The following VPS13D variants were observed in gnomAD, a reference collection of about 807,000 sequenced individuals.
VPS13D encodes the protein intermembrane lipid transfer protein VPS13D.
In VPS13D, 187 loss-of-function variants were observed where a neutral mutation model predicts 461.9. That is an observed-to-expected ratio of 0.40 (90% CI 0.36 to 0.46). VPS13D has a LOEUF of 0.46. Ranked by LOEUF, VPS13D falls within the 20% of genes least tolerant of loss-of-function variation. VPS13D has a pLI of 0.60. For synonymous variants in VPS13D, 1,951 were observed against 1,986.3 expected, an observed-to-expected ratio of 0.98 and a Z score of 0.47; for missense variants, 4,711 against 5,364.9, an observed-to-expected ratio of 0.88 and a Z score of 3.81.
intron 6 of VPS13D, among the ~76,000 whole-genome samples, chr1:12,253,372 G>A (rs1260081743): frequency 6.6e-6 from 1 of 152,100 alleles, no homozygotes; most frequent in South Asian, 2.1e-4. Context: ...TACTGAGGGA[G>A]GACTGTATGG....
intron 55 of VPS13D, among the ~76,000 whole-genome samples, chr1:12,377,959 G>A (rs1481659327): frequency 2.0e-5 from 3 of 152,022 alleles, no homozygotes; most frequent in Non-Finnish European, 2.9e-5. Context: ...TAAACATTCG[G>A]GACGGGGAGG....
At chr1:12,370,922 G>A (rs1644106693) in intron 54 of VPS13D, among the ~76,000 whole-genome samples, 2 of 152,206 alleles carry the variant, frequency 1.3e-5, no homozygotes, top group Non-Finnish European at 2.9e-5. Context: ...TTGGTGTGCA[G>A]AATCTAACAG....
At chr1:12,338,070 C>A in intron 39 of VPS13D, 161 bp from the exon 40 acceptor site, 2 of 558,152 alleles carry the variant, frequency 3.6e-6, no homozygotes, top group South Asian at 2.5e-5. Flanking sequence ...TTGTCAAGTA[C>A]ATTCGTAGTG....
chr1:12,279,574 C>T lies in VPS13D; in HGVS notation c.4526C>T (p.Thr1509Ile), dbSNP rs772266481. 3.7e-6 allele frequency: 6 copies of T among 1,613,436 alleles called. No individual in the cohort carries two copies. Among genetic ancestry groups the T allele is most frequent in the Non-Finnish European group, 5.1e-6 (6 of 1,179,544 alleles). The change falls in exon 20 of 70, where the codon ACT becomes ATT. Residue 1509 changes from threonine to isoleucine, a missense_variant. Transcript: ENST00000620676. This position sits in a 1 kb window ranked among gnomAD's most constrained non-coding sequence, Gnocchi z 4.3. ...CCTATAGAGAGAGAATCTGAATTGA[C>T]TTTTTCTCTTAGCCCAGATGACCTG... ...KIPIERESELTFSLSPDDLGT... is the reference protein window; with the variant it reads ...KIPIERESELIFSLSPDDLGT...
Position 12,318,119 on chromosome 1 carries a change from G to A in VPS13D, c.7196G>A (p.Arg2399His), listed in dbSNP as rs201376188. The A allele has an allele frequency of 4.3e-6, 7 of 1,613,722 alleles. No individual in the cohort carries two copies. Among genetic ancestry groups the A allele is most frequent in the African/African-American group, 2.7e-5 (2 of 74,858 alleles). The change falls in exon 31 of 70, where the codon CGT becomes CAT. Residue 2399 changes from arginine (R) to histidine (H), a missense_variant. Arg to His is a conservative substitution (Grantham distance 29). Coordinates refer to ENST00000620676, the MANE Select transcript of VPS13D (RefSeq NM_015378.4). Reference sequence around the variant, plus strand: ...TTTACAGTAGTTCTCAACAATCTCCGTGTGTTTCTCATATTTGACTGGCTA... The same window carrying A: ...TTTACAGTAGTTCTCAACAATCTCCATGTGTTTCTCATATTTGACTGGCTA... ...SCFTVVLNNL[R>H]VFLIFDWLLL... is the part of the protein sequence containing the mutation.
chr1:12,496,550 TA>T (rs1645959797), intron 67 of VPS13D, among the ~76,000 whole-genome samples: 1 of 152,242 alleles, frequency 6.6e-6, no homozygotes, highest in Admixed American at 6.5e-5. Flanking sequence ...TAGATCTGTC[TA>T]GAGAGGAGTG....
intron 17 of VPS13D, 41 bp from the exon 18 acceptor site, chr1:12,272,962 G>T: frequency 6.2e-7 from 1 of 1,602,644 alleles, no homozygotes; most frequent in South Asian, 1.1e-5. Context: ...AAAGCTGTTG[G>T]GTTTCGGCAG....
At chr1:12,308,240 C>A (rs1642624649) in intron 26 of VPS13D, among the ~76,000 whole-genome samples, 191 bp from the exon 27 acceptor site, 1 of 152,074 alleles carries the variant, frequency 6.6e-6, no homozygotes, top group Non-Finnish European at 1.5e-5. Flanking sequence ...TGGAGCTTTG[C>A]ATAAGGAGGT....
At chr1:12,362,642 A>G in intron 50 of VPS13D, 78 bp from the exon 51 acceptor site, 1 of 1,374,762 alleles carries the variant, frequency 7.3e-7, no homozygotes, top group South Asian at 1.3e-5. Flanking sequence ...AGTAACTGTG[A>G]AGGTTATTTA....
chr1:12,385,301 A>G lies in VPS13D; in HGVS notation c.11412A>G (p.Glu3804=), dbSNP rs745486366. The change falls in exon 59 of 70, where the codon GAA becomes GAG. Residue 3804 remains glutamate, a synonymous_variant. Transcript: ENST00000620676. ...ACCGGAAAAGCAGCCGTTCATATGA[A>G]GTGGATGAACTTCCTGTCACCGAAC... is the stretch of plus-strand genomic sequence containing the variant. ...FCHRKSSRSY[E]VDELPVTEQE... is the part of the protein sequence containing the mutation. 6 of 1,614,060 alleles carry G rather than the reference A, an allele frequency of 3.7e-6. No individual in the cohort carries two copies. In the South Asian group the frequency reaches 6.6e-5, roughly 18 times the overall value.
chr1:12,355,753 A>T, intron 47 of VPS13D, 146 bp from the exon 48 acceptor site: 1 of 781,074 alleles, frequency 1.3e-6, no homozygotes, highest in Non-Finnish European at 1.9e-6. Flanking sequence ...TACCCTAGCT[A>T]GAGAGAAAGA....
chr1:12,497,658 C>T (rs551955789), intron 68 of VPS13D, 27 bp downstream of exon 68: 10 of 1,602,294 alleles, frequency 6.2e-6, no homozygotes, highest in Middle Eastern at 3.3e-4. Context: ...GAAACCAGCC[C>T]TGTGGGTCTA....
intron 65 of VPS13D, among the ~76,000 whole-genome samples, chr1:12,423,030 C>T (rs1408282535): frequency 6.6e-6 from 1 of 152,094 alleles, no homozygotes; most frequent in Non-Finnish European, 1.5e-5. Context: ...AAAGCAGGCC[C>T]TCAGGAAGTG....
At position 12,273,016 on chromosome 1, in the gene VPS13D, G is replaced by A. The variant is rs753724852; in HGVS notation, c.2117G>A (p.Arg706Gln). Reference sequence around the variant, plus strand: ...TTATTTGTACAGGAGGAGAGTAAACGATGGACCGTGCGGCTGGATATTTCT... The same window carrying A: ...TTATTTGTACAGGAGGAGAGTAAACAATGGACCGTGCGGCTGGATATTTCT... Reference protein sequence around the residue: ...LVGDFIEESKRWTVRLDISAP... With the variant: ...LVGDFIEESKQWTVRLDISAP... The change falls in exon 18 of 70, where the codon CGA becomes CAA. Residue 706 changes from arginine (R) to glutamine (Q), a missense_variant. Around this residue, in one of 3 missense-constraint regions of VPS13D, gnomAD observed 4,411 missense variants for 4,937.8 expected, o/e 0.89. Transcript: ENST00000620676. 9 of 1,613,904 alleles carry A rather than the reference G, an allele frequency of 5.6e-6. No individual in the cohort carries two copies. Among genetic ancestry groups the A allele is most frequent in the Admixed American group, 3.3e-5 (2 of 59,988 alleles).
rs541793823 is a variant in VPS13D, at chr1:12,380,432, G to A, written c.11190+836G>A. ...TTTTGGCCTAAATAAGCATTGAATTGCTGTAGCAAATGTCAGAATGAAGAT... is the reference window on the plus strand; with the variant it reads ...TTTTGGCCTAAATAAGCATTGAATTACTGTAGCAAATGTCAGAATGAAGAT... On this transcript the variant is annotated intron_variant, in intron 57 of 69. Coordinates refer to ENST00000620676, the MANE Select transcript of VPS13D (RefSeq NM_015378.4). Among the ~76,000 whole-genome samples the A allele has an allele frequency of 3.9e-5, 6 of 152,236 alleles. No homozygotes were observed. In the East Asian group the frequency reaches 9.6e-4, roughly 24 times the overall value.
At chr1:12,308,405 AC>A in intron 26 of VPS13D, 25 bp from the exon 27 acceptor site, 1 of 1,612,824 alleles carries the variant, frequency 6.2e-7, no homozygotes, top group Non-Finnish European at 8.5e-7. Flanking sequence ...TTTCTTCATT[AC>A]CTCTCTTTCC....
intron 55 of VPS13D, among the ~76,000 whole-genome samples, chr1:12,377,031 A>C (rs1644207826): frequency 6.6e-6 from 1 of 151,640 alleles, no homozygotes; most frequent in Non-Finnish European, 1.5e-5. Flanking sequence ...GATTGTTTGC[A>C]GCAGTAAATG....
chr1:12,378,190 G>A (rs1438603300), intron 55 of VPS13D, among the ~76,000 whole-genome samples: 2 of 152,142 alleles, frequency 1.3e-5, no homozygotes. Flanking sequence ...TTGTTAAAAT[G>A]CACATTATTT....
chr1:12,303,600 A>G (rs748811485), intron 25 of VPS13D, among the ~76,000 whole-genome samples: 6 of 152,258 alleles, frequency 3.9e-5, no homozygotes, highest in Non-Finnish European at 7.3e-5. Context: ...TTTACTTGTA[A>G]TTACTACTTG....
Sources: allele counts gnomAD v4.1 joint callset (sites outside exome capture counted in the v4.1 genomes callset), GRCh38; gene constraint gnomAD v4.1.1; regional missense constraint gnomAD v4.1.1; non-coding constraint Gnocchi (gnomAD v3.1); transcripts MANE v1.5; gene names NCBI Gene and HGNC (gene_info 2026-07-23, HGNC 2026-07-21).